The following CISD1 variants were observed in gnomAD, a reference collection of about 807,000 sequenced individuals.
CISD1 encodes the protein CDGSH iron sulfur domain 1, also known as CDGSH iron-sulfur domain-containing protein 1.
In CISD1, 8 loss-of-function variants were observed where a neutral mutation model predicts 12.0. The ratio of observed to expected loss-of-function variants is 0.67; its 90% CI spans 0.39 to 1.20. The LOEUF (loss-of-function observed/expected upper bound fraction) is 1.20. Among genes scored for constraint, CISD1 ranks in the 50% most tolerant of loss-of-function variants. CISD1 has a pLI of 0.01. For synonymous variants in CISD1, 38 were observed against 42.2 expected (o/e 0.90, Z 0.39); for missense variants, 107 against 132.7 (o/e 0.81, Z 0.95).
At chr10:58,279,015 C>G (rs535779195) in intron 2 of CISD1, among the ~76,000 whole-genome samples, 1 of 152,134 alleles carries the variant, frequency 6.6e-6, no homozygotes, top group Non-Finnish European at 1.5e-5. Context: ...CTGTTAAGTA[C>G]TGACATGTGA....
chr10:58,269,173 G>A lies in CISD1; in HGVS notation c.-101G>A. 7.8e-7 allele frequency: 1 copy of A among 1,279,230 alleles called. No homozygotes were observed. Among genetic ancestry groups the A allele is most frequent in the South Asian group, 1.2e-5 (1 of 83,730 alleles). 79.2% of individuals were successfully genotyped at this position (1,279,230 alleles called of 1,614,324 possible). On this transcript the variant is annotated 5_prime_UTR_variant, in exon 1 of 3. Transcript: ENST00000333926. ...GGCGCCTGCGCGGTAGCATCGCGGA[G>A]TCGGTGCTTTAGTACGCCGCTGGCA...
rs1239780711 is a variant in CISD1, at chr10:58,288,313, G to A, written c.*663G>A. 1.3e-5 allele frequency: 2 copies of A among 152,298 alleles called. No individual in the cohort carries two copies. The highest frequency in any genetic ancestry group is 1.5e-5 in the Non-Finnish European group (1 of 67,998). The allele number at this position is 152,298 out of a possible 1,614,324, so 9.4% of individuals were successfully genotyped here. ...GATGGATCCATTAAAGGAGCCAATA[G>A]TGAAAATTTAGTTAAAGGTGATATT... On this transcript the variant is annotated 3_prime_UTR_variant, in exon 3 of 3. Transcript: ENST00000333926.
At chr10:58,271,772 A>G (rs1839252462) in intron 1 of CISD1, among the ~76,000 whole-genome samples, 1 of 152,332 alleles carries the variant, frequency 6.6e-6, no homozygotes, top group Admixed American at 6.5e-5. Context: ...AAAAAATTTA[A>G]CGGGAATCAG....
intron 2 of CISD1, among the ~76,000 whole-genome samples, chr10:58,282,152 G>A (rs1839380432): frequency 1.3e-5 from 2 of 152,112 alleles, no homozygotes; most frequent in African/African-American, 4.8e-5. Context: ...AGTAGAGACA[G>A]GGTTTCACCA....
chr10:58,272,110 A>G (rs1340269455), intron 1 of CISD1, among the ~76,000 whole-genome samples: 1 of 151,876 alleles, frequency 6.6e-6, no homozygotes, highest in African/African-American at 2.4e-5. Flanking sequence ...TGTCCTCCAG[A>G]TGCCGTTTTC....
intron 1 of CISD1, among the ~76,000 whole-genome samples, chr10:58,269,879 G>T (rs76793370): frequency 0.016 from 2,494 of 152,204 alleles, 71 homozygotes; most frequent in African/African-American, 0.054. Context: ...ATTGAAAACT[G>T]CGTTCGTTGA....
rs1248516139 is a variant in CISD1 at position 58,288,176 on chromosome 10, C to T, written c.*526C>T. 6.6e-6 allele frequency: 1 copy of T among 152,118 alleles called. No individual in the cohort carries two copies. Among genetic ancestry groups the T allele is most frequent in the African/African-American group, 2.4e-5 (1 of 41,374 alleles). The allele number at this position is 152,118 out of a possible 1,614,324, so 9.4% of individuals were successfully genotyped here. Reference sequence around the variant, plus strand: ...GAGAAAATATGGCTTCTGTTTTTCACCGTTTTCAATCAAAATGATTGATAA... The same window carrying T: ...GAGAAAATATGGCTTCTGTTTTTCATCGTTTTCAATCAAAATGATTGATAA... On this transcript the variant is annotated 3_prime_UTR_variant, in exon 3 of 3. Coordinates refer to ENST00000333926, the MANE Select transcript of CISD1 (RefSeq NM_018464.5).
intron 1 of CISD1, among the ~76,000 whole-genome samples, chr10:58,271,041 C>CTTTTTTTT (rs752640135): frequency 0.058 from 6,504 of 111,564 alleles, 262 homozygotes; most frequent in African/African-American, 0.12. Context: ...GTTGCCATGA[C>CTTTTTTTT]TATTTTTTTT....
chr10:58,285,368 A>G (rs1247388250), intron 2 of CISD1, among the ~76,000 whole-genome samples: 2 of 152,236 alleles, frequency 1.3e-5, no homozygotes, highest in East Asian at 1.9e-4. Flanking sequence ...AAATACCATC[A>G]TTGTGAAGTT....
intron 2 of CISD1, among the ~76,000 whole-genome samples, chr10:58,278,762 A>C (rs1263027945): frequency 1.3e-5 from 2 of 152,180 alleles, no homozygotes; most frequent in East Asian, 3.9e-4. Context: ...ATGCTCAAAA[A>C]TTTGAAATAT....
intron 1 of CISD1, among the ~76,000 whole-genome samples, chr10:58,275,630 A>G (rs765645842): frequency 2.0e-5 from 3 of 152,234 alleles, no homozygotes; most frequent in Admixed American, 6.5e-5. Flanking sequence ...GAAGGAAAAC[A>G]GTATAAATTA....
At chr10:58,273,945 C>A (rs1341824762) in intron 1 of CISD1, among the ~76,000 whole-genome samples, 1 of 152,036 alleles carries the variant, frequency 6.6e-6, no homozygotes, top group Admixed American at 6.6e-5. Flanking sequence ...ACCGGCCTGG[C>A]CAACATGGTG....
At chr10:58,284,457 A>G (rs1839406889) in intron 2 of CISD1, among the ~76,000 whole-genome samples, 1 of 152,240 alleles carries the variant, frequency 6.6e-6, no homozygotes, top group African/African-American at 2.4e-5. Context: ...GTCTCTGCAC[A>G]AAATTATTTT....
chr10:58,269,579 C>G (rs569306580), intron 1 of CISD1, among the ~76,000 whole-genome samples: 87 of 152,322 alleles, frequency 5.7e-4, no homozygotes, highest in African/African-American at 2.0e-3. Context: ...GCGCCGCTAG[C>G]TTTTCTTGTT....
intron 1 of CISD1, among the ~76,000 whole-genome samples, chr10:58,269,957 A>AAAGTCCC (rs1313269826): frequency 6.6e-6 from 1 of 152,218 alleles, no homozygotes; most frequent in Non-Finnish European, 1.5e-5. Flanking sequence ...TATTTCGCAG[A>AAAGTCCC]AAGTCCCGTT....
intron 2 of CISD1, among the ~76,000 whole-genome samples, chr10:58,280,491 A>G (rs148513006): frequency 0.027 from 4,071 of 152,290 alleles, 76 homozygotes; most frequent in Middle Eastern, 0.051. Context: ...GTAAAAGGCA[A>G]ATTTTCCAGG....
rs1450016260 is a variant in CISD1 at position 58,287,892 on chromosome 10, T to C, written c.*242T>C. On this transcript the variant is annotated 3_prime_UTR_variant, in exon 3 of 3. Transcript: ENST00000333926. ...TGGCCTGTGGGTTATTTTGGTCTTG[T>C]AAGGATCCATTTCTTTAAAATACTG... 5.5e-6 allele frequency: 2 copies of C among 363,192 alleles called. No individual in the cohort carries two copies. Among genetic ancestry groups the C allele is most frequent in the East Asian group, 8.3e-5 (2 of 24,002 alleles). The allele number at this position is 363,192 out of a possible 1,614,324, so 22.5% of individuals were successfully genotyped here. A position where few individuals can be genotyped will look rare whatever the true frequency, so the allele number is the denominator to read the frequency against.
chr10:58,274,802 AG>A (rs1839293871), intron 1 of CISD1, among the ~76,000 whole-genome samples: 1 of 152,058 alleles, frequency 6.6e-6, no homozygotes, highest in African/African-American at 2.4e-5. Flanking sequence ...ACAAAATCCA[AG>A]GGAGGTAAAG....
chr10:58,283,090 T>G (rs1839390443), intron 2 of CISD1: 1 of 128,878 alleles, frequency 7.8e-6, no homozygotes. Flanking sequence ...AGGGTAAGAT[T>G]TGAGTTAATG....
Sources: gnomAD v4.1 joint callset for allele counts (sites outside exome capture counted in the v4.1 genomes callset) on GRCh38, gnomAD v4.1.1 for gene constraint, MANE v1.5 for transcripts, NCBI Gene and HGNC (gene_info 2026-07-23, HGNC 2026-07-21) for gene names.